The following CST8 variants were observed in gnomAD, a reference collection of about 807,000 sequenced individuals.
The protein encoded by CST8 is cystatin-8.
A neutral mutation model predicts 11.8 loss-of-function variants in CST8; 20 were observed. That is an observed-to-expected ratio of 1.70 (90% CI 1.20 to 2.47). The LOEUF is 2.47. Ranked by LOEUF, CST8 falls within the 30% of genes most tolerant of loss-of-function variation. The pLI is 0.00. For missense variants in CST8, 196 were observed against 167.2 expected, an observed-to-expected ratio of 1.17 and a Z score of -0.95; for synonymous variants, 77 against 63.1, an observed-to-expected ratio of 1.22 and a Z score of -1.05.
the CST8 span, among the ~76,000 whole-genome samples, chr20:23,503,400 C>T: frequency 6.6e-6 from 1 of 152,084 alleles, no homozygotes; most frequent in African/African-American, 2.4e-5. Context: ...ATACACTGAA[C>T]AGCTGCTAAT....
chr20:23,493,043 C>T lies in CST8; in HGVS notation c.317C>T (p.Ala106Val). 3 of 1,611,542 alleles carry T rather than the reference C, an allele frequency of 1.9e-6. No homozygotes were observed. The highest frequency in any genetic ancestry group is 2.5e-6 in the Non-Finnish European group (3 of 1,177,816). The change falls in exon 3 of 4, where the codon GCC (alanine) becomes GTC (valine). Residue 106 changes from alanine to valine, a missense_variant. Transcript: ENST00000246012. Reference sequence around the variant, plus strand: ...CCTTTAAGCACTAATGAAATCTGCGCCATTCAAGAAAACTCCAAGCTGAAA... The same window carrying T: ...CCTTTAAGCACTAATGAAATCTGCGTCATTCAAGAAAACTCCAAGCTGAAA... ...RKPLSTNEIC[A>V]IQENSKLKRK...
the CST8 span, among the ~76,000 whole-genome samples, chr20:23,502,422 C>T: frequency 1.3e-5 from 2 of 152,236 alleles, no homozygotes; most frequent in Non-Finnish European, 2.9e-5. Context: ...GCCCCTGACT[C>T]TGCAACAACA....
intron 2 of CST8, 47 bp downstream of exon 2, chr20:23,491,945 A>C (rs941004122): frequency 1.4e-6 from 2 of 1,438,066 alleles, no homozygotes; most frequent in South Asian, 2.3e-5. Context: ...ATGGTGGCAC[A>C]GTTGAAGCCA....
chr20:23,503,143 G>A, the CST8 span, among the ~76,000 whole-genome samples: 1 of 152,170 alleles, frequency 6.6e-6, no homozygotes, highest in Non-Finnish European at 1.5e-5. Flanking sequence ...GTAAGTGATA[G>A]TAGAATGGAA....
downstream of CST8, among the ~76,000 whole-genome samples, chr20:23,498,840 T>C (rs1043097912): frequency 5.9e-5 from 9 of 152,280 alleles, no homozygotes; most frequent in South Asian, 1.2e-3. Context: ...GAAGACTCCA[T>C]AAGAAATTGC....
downstream of CST8, chr20:23,496,011 T>G (rs181644954): frequency 4.3e-5 from 39 of 908,882 alleles, no homozygotes; most frequent in Admixed American, 8.3e-4. Context: ...GCTTTCTTCA[T>G]GCATGCCTCT....
chr20:23,500,473 G>A (rs969228927), downstream of CST8, among the ~76,000 whole-genome samples: 2 of 152,174 alleles, frequency 1.3e-5, no homozygotes, highest in Admixed American at 1.3e-4. Flanking sequence ...CATGACCTGG[G>A]AGAGTGTCAG....
chr20:23,505,642 T>C, the CST8 span, among the ~76,000 whole-genome samples: 1 of 152,296 alleles, frequency 6.6e-6, no homozygotes, highest in Admixed American at 6.5e-5. Context: ...TTTGCCCCGA[T>C]TCTGGCTCAT....
chr20:23,500,930 A>C (rs1713340248), downstream of CST8, among the ~76,000 whole-genome samples: 1 of 152,198 alleles, frequency 6.6e-6, no homozygotes, highest in Non-Finnish European at 1.5e-5. Context: ...AAAAAGGCAG[A>C]GGGAGATCAG....
chr20:23,496,219 G>C (rs999628483), downstream of CST8, among the ~76,000 whole-genome samples: 3 of 151,824 alleles, frequency 2.0e-5, no homozygotes, highest in Admixed American at 6.6e-5. Context: ...AATTCAGCCA[G>C]ATATCAGGTG....
chr20:23,497,279 C>T (rs987431783), downstream of CST8, among the ~76,000 whole-genome samples: 67 of 152,204 alleles, frequency 4.4e-4, no homozygotes, highest in African/African-American at 1.5e-3. Context: ...TCAGCCGGTC[C>T]CTCTGTTCGG....
chr20:23,492,824 C>T (rs543074703), intron 2 of CST8, 134 bp from the exon 3 acceptor site: 104 of 684,120 alleles, frequency 1.5e-4, no homozygotes, highest in Admixed American at 4.5e-4. Context: ...CTTAGCCTTC[C>T]GCTAAAGCTC....
chr20:23,495,635 C>A (rs1291476710), intron 3 of CST8, among the ~76,000 whole-genome samples, 196 bp from the exon 4 acceptor site: 1 of 152,122 alleles, frequency 6.6e-6, no homozygotes, highest in African/African-American at 2.4e-5. Context: ...GAACAGAGAT[C>A]CCTCTGGGAA....
downstream of CST8, among the ~76,000 whole-genome samples, chr20:23,496,378 C>A (rs190151459): frequency 2.6e-5 from 4 of 152,002 alleles, no homozygotes; most frequent in African/African-American, 9.7e-5. Context: ...TCCATGATGC[C>A]CCCTGAGCCT....
At chr20:23,501,754 T>C in the CST8 span, among the ~76,000 whole-genome samples, 1 of 152,324 alleles carries the variant, frequency 6.6e-6, no homozygotes, top group African/African-American at 2.4e-5. Flanking sequence ...AGGAACATTT[T>C]TGGTCGTGAA....
chr20:23,499,721 T>A (rs566456709), downstream of CST8, among the ~76,000 whole-genome samples: 1 of 152,274 alleles, frequency 6.6e-6, no homozygotes, highest in East Asian at 1.9e-4. Flanking sequence ...CCTGTCCACC[T>A]GGCGACCAGT....
At chr20:23,506,774 G>A in the CST8 span, among the ~76,000 whole-genome samples, 1 of 151,962 alleles carries the variant, frequency 6.6e-6, no homozygotes, top group East Asian at 1.9e-4. Context: ...TTCTCTTTTA[G>A]TGCCATCAAC....
chr20:23,505,139 CTTTTTTTTTTTT>C, the CST8 span, among the ~76,000 whole-genome samples: 1 of 82,030 alleles, frequency 1.2e-5, no homozygotes, highest in African/African-American at 5.0e-5. Flanking sequence ...AAGAAGCATT[CTTTTTTTTTTTT>C]TTTTTTTTTT....
In CST8 at chr20:23,495,856, G is replaced by A; in HGVS notation, c.371G>A (p.Gly124Glu). ...AAATTAAGCTGCAGCTTTTTGGTAG[G>A]AGCACTTCCCTGGAATGGTGAATTC... ...KRKLSCSFLV[G>E]ALPWNGEFTV... Residue 124 changes from glycine to glutamate, a missense_variant, in exon 4 of 4, where the codon GGA (glycine) becomes GAA (glutamate). Physicochemically the swap from Gly to Glu is moderately conservative, Grantham distance 98. Coordinates refer to ENST00000246012, the MANE Select transcript of CST8 (RefSeq NM_005492.4). 6.2e-7 allele frequency: 1 copy of A among 1,610,690 alleles called. No individual in the cohort carries two copies.
Sources: allele counts gnomAD v4.1 joint callset (sites outside exome capture counted in the v4.1 genomes callset), GRCh38; gene constraint gnomAD v4.1.1; transcripts MANE v1.5; gene names NCBI Gene and HGNC (gene_info 2026-07-23, HGNC 2026-07-21).